The following MARCHF1 variants were observed in gnomAD, a reference collection of about 807,000 sequenced individuals.
MARCHF1 encodes membrane associated ring-CH-type finger 1.
A neutral mutation model predicts 54.2 loss-of-function variants in MARCHF1; 40 were observed. That is an observed-to-expected ratio of 0.74 (90% confidence interval 0.57 to 0.96). The LOEUF (loss-of-function observed/expected upper bound fraction) is 0.96. Among genes scored for constraint, MARCHF1 ranks in the 40% least tolerant of loss-of-function variants. The pLI is 0.00. For missense variants in MARCHF1, 586 were observed against 656.5 expected (o/e 0.89, Z 1.17); for synonymous variants, 236 against 236.3 (o/e 1.00, Z 0.01).
At chr4:163,763,987 T>C (rs1156856365) in intron 4 of MARCHF1, among the ~76,000 whole-genome samples, 1 of 152,072 alleles carries the variant, frequency 6.6e-6, no homozygotes. Context: ...AAATTTTTCT[T>C]GTAGAACTAA....
chr4:163,616,262 C>T (rs1741505805), intron 5 of MARCHF1, among the ~76,000 whole-genome samples: 1 of 152,058 alleles, frequency 6.6e-6, no homozygotes, highest in Non-Finnish European at 1.5e-5. Context: ...CTTGCTTGTG[C>T]AAAGGATTGT....
At chr4:163,727,595 G>A (rs371970237) in intron 4 of MARCHF1, among the ~76,000 whole-genome samples, 3 of 149,088 alleles carry the variant, frequency 2.0e-5, no homozygotes, top group Admixed American at 1.4e-4. Context: ...GTGAGCCAAC[G>A]CACCTGGCCC....
chr4:164,098,096 C>A (rs1579530572), intron 2 of MARCHF1, among the ~76,000 whole-genome samples: 1 of 152,098 alleles, frequency 6.6e-6, no homozygotes, highest in South Asian at 2.1e-4. Context: ...TGAGTTACAA[C>A]CCATTTTGGT....
rs115887350 is a variant in MARCHF1 at position 164,139,841 on chromosome 4, G to A, written c.-322-28179C>T. Among the ~76,000 whole-genome samples the A allele has an allele frequency of 3.9e-3, 598 of 152,044 alleles. 7 individuals carry two copies. The highest frequency in any genetic ancestry group is 0.014 in the African/African-American group (575 of 41,444). ...TAATGTTTAATACTGTTTATATCAC[G>A]AACCATGTCAACCATTAGGAAAATA... On this transcript the variant is annotated intron_variant, in intron 1 of 9. Coordinates refer to ENST00000514618, the MANE Select transcript of MARCHF1 (RefSeq NM_001394959.1).
In MARCHF1 at chr4:163,874,734, T is replaced by C. The variant is rs543983550; in HGVS notation, c.-38-20565A>G. ...TCATTATGGGCCGAGCTATATTTTC[T>C]GTGCAATTTTATATCTCTACGGTAC... is the stretch of plus-strand genomic sequence containing the variant. On this transcript the variant is annotated intron_variant, in intron 3 of 9. Transcript: ENST00000514618. Among the ~76,000 whole-genome samples the C allele has an allele frequency of 2.9e-4, 44 of 152,302 alleles. No individual in the cohort carries two copies. The South Asian group carries it at 8.9e-3, about 31-fold the overall frequency.
chr4:163,677,711 C>T (rs1334145128), intron 5 of MARCHF1, among the ~76,000 whole-genome samples: 1 of 152,190 alleles, frequency 6.6e-6, no homozygotes, highest in Non-Finnish European at 1.5e-5. Flanking sequence ...CAGTCTCTCC[C>T]ACTAGTGTAA....
intron 5 of MARCHF1, among the ~76,000 whole-genome samples, chr4:163,692,456 G>A (rs117522710): frequency 1.3e-5 from 2 of 152,282 alleles, no homozygotes; most frequent in East Asian, 3.9e-4. Flanking sequence ...GCAGCAGCAT[G>A]AAGGGCAAAT....
At chr4:163,777,363 A>G (rs531502228) in intron 4 of MARCHF1, among the ~76,000 whole-genome samples, 1 of 152,196 alleles carries the variant, frequency 6.6e-6, no homozygotes, top group South Asian at 2.1e-4. Flanking sequence ...ATAAAGTTAC[A>G]TATCTATTTT....
chr4:163,999,496 G>T (rs1023385790), intron 2 of MARCHF1, among the ~76,000 whole-genome samples: 1 of 151,456 alleles, frequency 6.6e-6, no homozygotes, highest in Non-Finnish European at 1.5e-5. Flanking sequence ...TTTATGTAAA[G>T]AGAATTATTT....
At position 163,994,146 on chromosome 4, in the gene MARCHF1, G is replaced by A. The variant is rs371958841; in HGVS notation, c.-247-5437C>T. Among the ~76,000 whole-genome samples the A allele has an allele frequency of 2.7e-3, 410 of 152,154 alleles. 2 individuals are homozygous for A. Among genetic ancestry groups the A allele is most frequent in the African/African-American group, 9.2e-3 (381 of 41,524 alleles). On this transcript the variant is annotated intron_variant, in intron 2 of 9. Coordinates refer to ENST00000514618, the MANE Select transcript of MARCHF1 (RefSeq NM_001394959.1). The stretch of plus-strand genomic sequence containing the variant: ...ACTTATCTTCAGAAAATGTAAAGCA[G>A]TCATCCCAAAAGAGGGAACTGGAAT...
At chr4:164,166,602 C>T (rs945521237) in intron 1 of MARCHF1, among the ~76,000 whole-genome samples, 26 of 151,788 alleles carry the variant, frequency 1.7e-4, no homozygotes, top group African/African-American at 6.0e-4. Flanking sequence ...CAGGGATGTC[C>T]ACTCTGACCA....
intron 4 of MARCHF1, among the ~76,000 whole-genome samples, chr4:163,715,486 G>A (rs1216894776): frequency 6.6e-6 from 1 of 152,124 alleles, no homozygotes; most frequent in East Asian, 1.9e-4. Flanking sequence ...AGTATTGTAA[G>A]CTATACTGCA....
intron 7 of MARCHF1, among the ~76,000 whole-genome samples, chr4:163,603,571 T>A (rs566058380): frequency 2.0e-5 from 3 of 152,148 alleles, no homozygotes; most frequent in African/African-American, 7.2e-5. Context: ...AAACAATGAG[T>A]AATTCTTTAG....
chr4:164,036,233 T>C (rs1753999510), intron 2 of MARCHF1, among the ~76,000 whole-genome samples: 1 of 152,152 alleles, frequency 6.6e-6, no homozygotes, highest in African/African-American at 2.4e-5. Context: ...TCTGGGAGTG[T>C]AGTCATCTAC....
chr4:163,593,918 T>C (rs1740673797), intron 7 of MARCHF1, among the ~76,000 whole-genome samples: 1 of 152,208 alleles, frequency 6.6e-6, no homozygotes, highest in African/African-American at 2.4e-5. Context: ...TTGTTGCTTA[T>C]GTATATATGC....
At chr4:164,164,374 T>C (rs555396080) in intron 1 of MARCHF1, among the ~76,000 whole-genome samples, 2 of 151,750 alleles carry the variant, frequency 1.3e-5, no homozygotes, top group Non-Finnish European at 2.9e-5. Flanking sequence ...AGAAGACACA[T>C]GTACCAACAT....
chr4:163,870,696 G>A (rs1035637749), intron 3 of MARCHF1, among the ~76,000 whole-genome samples: 2 of 152,002 alleles, frequency 1.3e-5, no homozygotes, highest in Non-Finnish European at 2.9e-5. Context: ...AAAAATGGAT[G>A]AGCCTGGAGG....
rs141931792 is a variant in MARCHF1, at chr4:164,046,566, C to T, written c.-247-57857G>A. 3.4e-3 allele frequency among the ~76,000 whole-genome samples: 523 copies of T among 152,240 alleles called. 2 individuals are homozygous for T. Among genetic ancestry groups the T allele is most frequent in the African/African-American group, 0.011 (469 of 41,536 alleles). ...TATTAATAAAATAACTCATTAAATG[C>T]TTAATCTGTCTTTTCTCTATACTTG... On this transcript the variant is annotated intron_variant, in intron 2 of 9. Coordinates refer to ENST00000514618, the MANE Select transcript of MARCHF1 (RefSeq NM_001394959.1).
chr4:163,796,225 T>G (rs1400818997), intron 4 of MARCHF1, among the ~76,000 whole-genome samples: 4 of 141,036 alleles, frequency 2.8e-5, no homozygotes, highest in Non-Finnish European at 4.6e-5. Flanking sequence ...CTTCTAGTTT[T>G]TTTTTTTTTT....
Sources: gnomAD v4.1 joint callset for allele counts (sites outside exome capture counted in the v4.1 genomes callset) on GRCh38, gnomAD v4.1.1 for gene constraint, MANE v1.5 for transcripts, NCBI Gene and HGNC (gene_info 2026-07-23, HGNC 2026-07-21) for gene names.